Variants in DMD observed in about 807,000 individuals in gnomAD.
The protein encoded by DMD is dystrophin, also known as mutant dystrophin.
Under a neutral mutation model 330.1 loss-of-function variants are expected in DMD, and 63 were observed. That is an observed-to-expected ratio of 0.19 (90% confidence interval 0.16 to 0.24). The LOEUF (loss-of-function observed/expected upper bound fraction) is 0.24, where lower values mean the gene tolerates loss of function less well. Ranked by LOEUF, DMD falls within the 10% of genes least tolerant of loss-of-function variation. DMD has a pLI of 1.00. For missense variants in DMD, 3,344 were observed against 2,684.1 expected (o/e 1.25, Z -5.43); for synonymous variants, 1,223 against 959.8 (o/e 1.27, Z -5.07).
In DMD at chrX:32,112,373, C is replaced by T. The variant is rs749753726; in HGVS notation, c.6438+104543G>A. ...GATGGTGCTGATGTTGCTGGTCCAG[C>T]GAAAGAGTGATTTAGAGAATGGAAA... is the stretch of plus-strand genomic sequence containing the variant. On this transcript the variant is annotated intron_variant, in intron 44 of 78. Transcript: ENST00000357033. Among the ~76,000 whole-genome samples, 6 of 111,049 alleles carry T rather than the reference C, an allele frequency of 5.4e-5. No homozygotes were observed. In the East Asian group the frequency reaches 1.7e-3, roughly 31 times the overall value.
chrX:32,668,944 C>A (rs2147176116), intron 9 of DMD, among the ~76,000 whole-genome samples: 1 of 110,826 alleles, frequency 9.0e-6, no homozygotes, highest in South Asian at 3.8e-4. Context: ...ACATTTTTGT[C>A]CTGAAAAATC....
chrX:32,422,878 C>G (rs1415249401), intron 29 of DMD, among the ~76,000 whole-genome samples: 2 of 110,538 alleles, frequency 1.8e-5, no homozygotes, highest in Non-Finnish European at 3.8e-5. Context: ...GCAAAGAAAA[C>G]GGTTTTAAAA....
chrX:32,833,352 A>G (rs1478472272), intron 4 of DMD, among the ~76,000 whole-genome samples: 2 of 110,882 alleles, frequency 1.8e-5, no homozygotes, highest in African/African-American at 6.5e-5. Flanking sequence ...AAGACATTAA[A>G]ACAAATTTAT....
chrX:32,603,682 T>A (rs759093313), intron 12 of DMD, among the ~76,000 whole-genome samples: 103 of 111,257 alleles, frequency 9.3e-4, no homozygotes, highest in African/African-American at 3.2e-3. Flanking sequence ...ACGTTACAAC[T>A]GATACCATAG....
chrX:32,705,593 C>T (rs1021586664), intron 7 of DMD, among the ~76,000 whole-genome samples: 15 of 111,362 alleles, frequency 1.3e-4, no homozygotes, highest in Admixed American at 6.7e-4. Flanking sequence ...GCAGGTGCAT[C>T]GCCTGAGGTT....
At chrX:32,672,432 T>C (rs904627595) in intron 9 of DMD, among the ~76,000 whole-genome samples, 5 of 111,478 alleles carry the variant, frequency 4.5e-5, no homozygotes, top group African/African-American at 1.6e-4. Flanking sequence ...TATTATTAAA[T>C]CATGGGAAAA....
At chrX:33,052,780 AACTT>A (rs2094472722) in intron 1 of DMD, among the ~76,000 whole-genome samples, 1 of 111,742 alleles carries the variant, frequency 8.9e-6, no homozygotes, top group Non-Finnish European at 1.9e-5. Flanking sequence ...AGTCAATAAT[AACTT>A]ACTTGTACAT....
At chrX:32,803,320 T>A (rs1448358911) in intron 7 of DMD, among the ~76,000 whole-genome samples, 2 of 111,604 alleles carry the variant, frequency 1.8e-5, no homozygotes, top group African/African-American at 6.5e-5. Flanking sequence ...GATATCCCCT[T>A]TATCATTTTT....
rs182964415 is a variant in DMD at position 32,672,697 on chromosome X, T to C, written c.960+25173A>G. ...ACCAGAAGGTGTCCAGAGTTCTGCT[T>C]GACTGAGAAAAAAAGTACTTATTTT... On this transcript the variant is annotated intron_variant, in intron 9 of 78. Coordinates refer to ENST00000357033, the MANE Select transcript of DMD (RefSeq NM_004006.3). Among the ~76,000 whole-genome samples the C allele has an allele frequency of 4.5e-5, 5 of 110,518 alleles. No homozygotes were observed. The Admixed American group carries it at 4.9e-4, about 11-fold the overall frequency.
chrX:32,453,242 C>A (rs1007094490), intron 26 of DMD, among the ~76,000 whole-genome samples: 2 of 110,833 alleles, frequency 1.8e-5, no homozygotes, highest in African/African-American at 6.5e-5. Context: ...GCTCACCACC[C>A]TCTATATTCA....
chrX:32,530,538 T>G (rs1284580591), intron 17 of DMD, among the ~76,000 whole-genome samples: 1 of 112,420 alleles, frequency 8.9e-6, no homozygotes, highest in Non-Finnish European at 1.9e-5. Context: ...GATGTCACAT[T>G]TATAAGTTTT....
At chrX:32,147,374 CG>C (rs998657602) in intron 44 of DMD, among the ~76,000 whole-genome samples, 3 of 111,630 alleles carry the variant, frequency 2.7e-5, no homozygotes, top group African/African-American at 9.8e-5. Context: ...TGATAGGTAG[CG>C]TTTTTATGAT....
At chrX:32,511,566 T>C (rs1364930483) in intron 18 of DMD, among the ~76,000 whole-genome samples, 1 of 108,185 alleles carries the variant, frequency 9.2e-6, no homozygotes, top group East Asian at 2.9e-4. Context: ...AGTCATTAAT[T>C]TTCTTCTTGT....
chrX:32,748,418 T>C (rs977833091), intron 7 of DMD, among the ~76,000 whole-genome samples: 1 of 110,388 alleles, frequency 9.1e-6, no homozygotes, highest in African/African-American at 3.3e-5. Context: ...CATTTAATCC[T>C]GTTATACAGA....
At chrX:32,593,058 C>G (rs1228852727) in intron 13 of DMD, among the ~76,000 whole-genome samples, 1 of 112,747 alleles carries the variant, frequency 8.9e-6, no homozygotes, top group Non-Finnish European at 1.9e-5. Context: ...TTGCCCTTGG[C>G]AGGCATGGGG....
chrX:31,341,483 C>A (rs2057721968), intron 61 of DMD, among the ~76,000 whole-genome samples: 1 of 112,094 alleles, frequency 8.9e-6, no homozygotes, highest in African/African-American at 3.2e-5. Context: ...TTACTCTTAA[C>A]CGCTATCGAT....
intron 1 of DMD, among the ~76,000 whole-genome samples, chrX:33,146,147 G>T (rs2148606741): frequency 9.1e-6 from 1 of 110,423 alleles, no homozygotes; most frequent in Non-Finnish European, 1.9e-5. Context: ...ACCTGCCTTG[G>T]CCTCCCAAAG....
intron 1 of DMD, among the ~76,000 whole-genome samples, chrX:33,110,411 T>C (rs1001497007): frequency 2.7e-5 from 3 of 111,432 alleles, no homozygotes; most frequent in Non-Finnish European, 5.6e-5. Flanking sequence ...ATTGCAATTG[T>C]AAAATACTGA....
At chrX:33,320,724 A>G in intron 1 of DMD, among the ~76,000 whole-genome samples, 1 of 112,387 alleles carries the variant, frequency 8.9e-6, no homozygotes, top group Admixed American at 9.5e-5. Context: ...ATTTCTTTGT[A>G]GCATGTGCTG....
Sources: allele counts gnomAD v4.1 joint callset (sites outside exome capture counted in the v4.1 genomes callset), GRCh38; gene constraint gnomAD v4.1.1; transcripts MANE v1.5; gene names NCBI Gene and HGNC (gene_info 2026-07-23, HGNC 2026-07-21).